DRC11: variants seen among roughly 807,000 people sequenced by gnomAD.
The protein encoded by DRC11 is IQ and AAA domain-containing protein 1.
chr2:236,410,803 C>A, the DRC11 span, among the ~76,000 whole-genome samples: 1 of 148,554 alleles, frequency 6.7e-6, no homozygotes, highest in East Asian at 2.0e-4. Context: ...GGAAAGGATT[C>A]CCTTTTTAAT....
At chr2:236,407,790 T>C in the DRC11 span, 3 of 286,446 alleles carry the variant, frequency 1.0e-5, no homozygotes, top group Non-Finnish European at 2.1e-5. Flanking sequence ...TTTTTTTTTT[T>C]CAGTGGAAAA....
At chr2:236,471,981 T>A in the DRC11 span, among the ~76,000 whole-genome samples, 1 of 152,230 alleles carries the variant, frequency 6.6e-6, no homozygotes, top group East Asian at 1.9e-4. The surrounding 1 kb of genome is among the most constrained non-coding windows in gnomAD (Gnocchi z 4.6). Flanking sequence ...TAGTCTCTGA[T>A]GATCTGGAGA....
At chr2:236,449,444 C>T in the DRC11 span, among the ~76,000 whole-genome samples, 2 of 152,192 alleles carry the variant, frequency 1.3e-5, no homozygotes, top group Non-Finnish European at 2.9e-5. The surrounding 1 kb of genome is among the most constrained non-coding windows in gnomAD (Gnocchi z 5.1). Context: ...GCCTGGCAGC[C>T]GAGTGACTCA....
the DRC11 span, among the ~76,000 whole-genome samples, chr2:236,416,327 C>G: frequency 3.9e-5 from 6 of 152,074 alleles, no homozygotes; most frequent in Admixed American, 3.9e-4. Context: ...GGTGTAACCT[C>G]GCCTGTAGTG....
the DRC11 span, among the ~76,000 whole-genome samples, chr2:236,415,942 G>A: frequency 9.9e-5 from 15 of 152,098 alleles, no homozygotes; most frequent in Admixed American, 6.5e-4. This position sits in a 1 kb window ranked among gnomAD's most constrained non-coding sequence, Gnocchi z 5.7. Flanking sequence ...AAATTGTCTC[G>A]CAGAGTAAGA....
the DRC11 span, among the ~76,000 whole-genome samples, chr2:236,484,061 C>T: frequency 1.3e-5 from 2 of 152,034 alleles, no homozygotes; most frequent in South Asian, 4.1e-4. Flanking sequence ...ACACTTAAAC[C>T]TAAAAAGAAG....
the DRC11 span, among the ~76,000 whole-genome samples, chr2:236,493,127 T>A: frequency 0.013 from 1,964 of 152,218 alleles, 17 homozygotes; most frequent in East Asian, 0.033. Context: ...GAAAGGCACA[T>A]CTCATATGGC....
chr2:236,420,103 C>T, the DRC11 span, among the ~76,000 whole-genome samples: 1 of 152,162 alleles, frequency 6.6e-6, no homozygotes, highest in Admixed American at 6.5e-5. This position sits in a 1 kb window ranked among gnomAD's most constrained non-coding sequence, Gnocchi z 4.8. Flanking sequence ...ACTTAGGATC[C>T]GCCAGGCATG....
chr2:236,344,912 G>A, the DRC11 span, among the ~76,000 whole-genome samples: 123 of 150,034 alleles, frequency 8.2e-4, no homozygotes, highest in Non-Finnish European at 1.6e-3. Flanking sequence ...GGTTGTAAAC[G>A]TGCTTCTCTC....
At chr2:236,444,132 T>C in the DRC11 span, among the ~76,000 whole-genome samples, 1 of 152,246 alleles carries the variant, frequency 6.6e-6, no homozygotes, top group African/African-American at 2.4e-5. Context: ...TCTCCCATTC[T>C]GTAGGTTGTC....
the DRC11 span, among the ~76,000 whole-genome samples, chr2:236,480,267 A>G: frequency 6.6e-6 from 1 of 151,900 alleles, no homozygotes; most frequent in Non-Finnish European, 1.5e-5. Flanking sequence ...CTATACTTGG[A>G]TATTTTTATC....
At chr2:236,357,738 TAATATGTA>T in the DRC11 span, among the ~76,000 whole-genome samples, 4 of 126,772 alleles carry the variant, frequency 3.2e-5, no homozygotes, top group African/African-American at 1.3e-4. Context: ...AATATACATA[TAATATGTA>T]AATATATAAA....
chr2:236,487,978 T>A, the DRC11 span: 1 of 1,512,842 alleles, frequency 6.6e-7, no homozygotes, highest in South Asian at 1.3e-5. Flanking sequence ...GTACCCCAAC[T>A]CCAGGAGCCC....
At chr2:236,507,237 G>T in the DRC11 span, 4 of 1,613,628 alleles carry the variant, frequency 2.5e-6, no homozygotes, top group East Asian at 8.9e-5. Flanking sequence ...CATGGCTGTG[G>T]CTGGGAGCCC....
chr2:236,342,732 A>T, the DRC11 span, among the ~76,000 whole-genome samples: 1 of 152,116 alleles, frequency 6.6e-6, no homozygotes, highest in Admixed American at 6.5e-5. The surrounding 1 kb of genome is among the most constrained non-coding windows in gnomAD (Gnocchi z 5.8). Context: ...TGGGGGTGGG[A>T]GGTGGAGGAT....
chr2:236,484,520 T>C, the DRC11 span, among the ~76,000 whole-genome samples: 1 of 152,132 alleles, frequency 6.6e-6, no homozygotes, highest in African/African-American at 2.4e-5. Context: ...ACTAATTATT[T>C]ATGGGCACCA....
At chr2:236,415,294 C>T in the DRC11 span, among the ~76,000 whole-genome samples, 1 of 152,148 alleles carries the variant, frequency 6.6e-6, no homozygotes, top group Non-Finnish European at 1.5e-5. This position sits in a 1 kb window ranked among gnomAD's most constrained non-coding sequence, Gnocchi z 5.7. Flanking sequence ...AATCATGCAG[C>T]TGGGCCCTGT....
At chr2:236,424,733 G>A in the DRC11 span, among the ~76,000 whole-genome samples, 4 of 151,342 alleles carry the variant, frequency 2.6e-5, no homozygotes, top group East Asian at 7.7e-4. Context: ...TGGTCATCAT[G>A]CTGGACAATA....
At chr2:236,421,597 C>A in the DRC11 span, among the ~76,000 whole-genome samples, 6 of 152,048 alleles carry the variant, frequency 3.9e-5, no homozygotes, top group Non-Finnish European at 8.8e-5. Flanking sequence ...AAGTCCAGGC[C>A]CAGATGGATT....
Sources: allele counts gnomAD v4.1 joint callset (sites outside exome capture counted in the v4.1 genomes callset), GRCh38; gene constraint gnomAD v4.1.1; non-coding constraint Gnocchi (gnomAD v3.1); transcripts MANE v1.5; gene names NCBI Gene and HGNC (gene_info 2026-07-23, HGNC 2026-07-21).